The following CCSER1 variants were observed in gnomAD, a reference collection of about 807,000 sequenced individuals.
CCSER1 encodes the protein serine-rich coiled-coil domain-containing protein 1.
In CCSER1, 41 loss-of-function variants were observed where a neutral mutation model predicts 82.0. The ratio of observed to expected loss-of-function variants is 0.50; its 90% CI spans 0.39 to 0.65. The LOEUF is 0.65. Ranked by LOEUF, CCSER1 falls within the 30% of genes least tolerant of loss-of-function variation. The pLI is 0.00. For missense variants in CCSER1, 1,119 were observed against 1,064.2 expected (o/e 1.05, Z -0.72); for synonymous variants, 414 against 383.9 (o/e 1.08, Z -0.92).
chr4:90,706,565 G>A (rs1580058480), intron 6 of CCSER1, among the ~76,000 whole-genome samples: 1 of 152,302 alleles, frequency 6.6e-6, no homozygotes, highest in East Asian at 1.9e-4. Context: ...TCAGTAATTA[G>A]GATTCAGCTG....
intron 3 of CCSER1, among the ~76,000 whole-genome samples, chr4:90,375,033 A>G (rs1748083518): frequency 6.6e-6 from 1 of 152,184 alleles, no homozygotes; most frequent in Non-Finnish European, 1.5e-5. Flanking sequence ...CTGGTCAATA[A>G]ACCTAGAAAG....
intron 1 of CCSER1, among the ~76,000 whole-genome samples, chr4:90,211,860 G>A (rs943565543): frequency 1.6e-4 from 25 of 152,144 alleles, no homozygotes; most frequent in African/African-American, 6.0e-4. Flanking sequence ...CACATCTGTA[G>A]GCAGAATAGA....
intron 4 of CCSER1, among the ~76,000 whole-genome samples, chr4:90,451,124 T>G (rs887371251): frequency 6.6e-6 from 1 of 152,200 alleles, no homozygotes; most frequent in Non-Finnish European, 1.5e-5. Flanking sequence ...TAGTATTGTA[T>G]GCTTATTGCC....
chr4:91,229,814 T>C (rs1738481377), intron 10 of CCSER1, among the ~76,000 whole-genome samples: 1 of 151,794 alleles, frequency 6.6e-6, no homozygotes, highest in Non-Finnish European at 1.5e-5. Context: ...CAGGGGAACA[T>C]CACATACTGG....
intron 10 of CCSER1, among the ~76,000 whole-genome samples, chr4:91,120,172 G>A (rs552639652): frequency 6.6e-6 from 1 of 152,042 alleles, no homozygotes; most frequent in Admixed American, 6.6e-5. Context: ...GATCATACCA[G>A]TTCCCATTCA....
In CCSER1 at chr4:90,408,094, C is replaced by T. The variant is rs1042135903; in HGVS notation, c.1603+7965C>T. Among the ~76,000 whole-genome samples the T allele has an allele frequency of 6.6e-5, 10 of 152,170 alleles. 1 individual carries two copies. Among genetic ancestry groups the T allele is most frequent in the African/African-American group, 2.4e-4 (10 of 41,448 alleles). On this transcript the variant is annotated intron_variant, in intron 4 of 10. Coordinates refer to ENST00000509176, the MANE Select transcript of CCSER1 (RefSeq NM_001145065.2). ...CAGCAGCAAGGCTGGGGGAGGGGCACCCGCCATTGCCCAGGCTTGAGTAGC... is the reference window on the plus strand; with the variant it reads ...CAGCAGCAAGGCTGGGGGAGGGGCATCCGCCATTGCCCAGGCTTGAGTAGC...
intron 10 of CCSER1, among the ~76,000 whole-genome samples, chr4:91,246,775 A>T (rs1246299677): frequency 6.6e-6 from 1 of 151,806 alleles, no homozygotes; most frequent in Non-Finnish European, 1.5e-5. Flanking sequence ...ATATACAACT[A>T]CTGTGTACTC....
intron 7 of CCSER1, among the ~76,000 whole-genome samples, chr4:90,791,724 A>C (rs1209984647): frequency 6.6e-6 from 1 of 151,498 alleles, no homozygotes; most frequent in East Asian, 2.0e-4. Context: ...TGGGAGGCTG[A>C]GGCAGGAGAA....
Position 91,484,236 on chromosome 4 carries a change from C to T in CCSER1, c.2218-114336C>T, listed in dbSNP as rs1758103739. On this transcript the variant is annotated intron_variant, in intron 10 of 10. Coordinates refer to ENST00000509176, the MANE Select transcript of CCSER1 (RefSeq NM_001145065.2). ...AAACACTAAATTCAGCTTATTTGAGCTTTTTGTTACTCTAGAACCTTGAAC... is the reference window on the plus strand; with the variant it reads ...AAACACTAAATTCAGCTTATTTGAGTTTTTTGTTACTCTAGAACCTTGAAC... Among the ~76,000 whole-genome samples the T allele has an allele frequency of 3.3e-5, 5 of 152,158 alleles. No individual in the cohort carries two copies. In the South Asian group the frequency reaches 1.0e-3, roughly 32 times the overall value.
intron 10 of CCSER1, among the ~76,000 whole-genome samples, chr4:91,445,743 C>A (rs1755516947): frequency 6.6e-6 from 1 of 151,998 alleles, no homozygotes; most frequent in Admixed American, 6.6e-5. Flanking sequence ...ATATTACCCC[C>A]AAATTTGCAA....
chr4:90,365,459 A>C (rs1176645752), intron 3 of CCSER1, among the ~76,000 whole-genome samples: 1 of 151,810 alleles, frequency 6.6e-6, no homozygotes, highest in Non-Finnish European at 1.5e-5. Context: ...CAAAATATGC[A>C]GACTTTAAAG....
chr4:91,519,592 G>A (rs1246821977), intron 10 of CCSER1, among the ~76,000 whole-genome samples: 2 of 152,208 alleles, frequency 1.3e-5, no homozygotes, highest in Non-Finnish European at 2.9e-5. Flanking sequence ...AGCTCTGCAT[G>A]TCAGTCTGAA....
rs1157529486 is a variant in CCSER1 at position 90,352,241 on chromosome 4, G to A, written c.1509+39194G>A. ...CGGGAGGCTGAGGCAGGAGAATGGC[G>A]GGAACCCGGGAGGCCGAGCTTGCAA... On this transcript the variant is annotated intron_variant, in intron 3 of 10. Coordinates refer to ENST00000509176, the MANE Select transcript of CCSER1 (RefSeq NM_001145065.2). Among the ~76,000 whole-genome samples the A allele has an allele frequency of 3.3e-5, 5 of 151,706 alleles. No homozygotes were observed. The South Asian group carries it at 6.3e-4, about 19-fold the overall frequency.
In CCSER1 at chr4:90,308,452, A is replaced by G; in HGVS notation, c.168A>G (p.Thr56=). Residue 56 remains threonine (T), a synonymous_variant, in exon 2 of 11, where the codon ACA becomes ACG. Coordinates refer to ENST00000509176, the MANE Select transcript of CCSER1 (RefSeq NM_001145065.2). ...GCACTAACTCAAGCTCAGGTAGCACAGGTAAACGGAGGAGCATATTCCGTA... is the reference window on the plus strand; with the variant it reads ...GCACTAACTCAAGCTCAGGTAGCACGGGTAAACGGAGGAGCATATTCCGTA... The part of the protein sequence containing the change: ...PSSTNSSSGS[T]GKRRSIFRTP... The G allele has an allele frequency of 1.2e-6, 2 of 1,613,910 alleles. No homozygotes were observed. The highest frequency in any genetic ancestry group is 1.7e-6 in the Non-Finnish European group (2 of 1,179,832).
intron 10 of CCSER1, among the ~76,000 whole-genome samples, chr4:91,220,937 C>T (rs1057108868): frequency 2.5e-4 from 38 of 151,974 alleles, no homozygotes; most frequent in Admixed American, 8.5e-4. Context: ...GTCATATGTA[C>T]GGAAAATGTA....
intron 9 of CCSER1, among the ~76,000 whole-genome samples, chr4:90,977,041 A>G (rs1735675885): frequency 6.6e-6 from 1 of 151,652 alleles, no homozygotes; most frequent in South Asian, 2.1e-4. Context: ...GCTTCCAAAA[A>G]ATTTGTTTAA....
chr4:90,863,250 C>G (rs1765318769), intron 8 of CCSER1, among the ~76,000 whole-genome samples: 1 of 151,948 alleles, frequency 6.6e-6, no homozygotes, highest in African/African-American at 2.4e-5. Context: ...TCATCCGTGT[C>G]CCTGGATTAC....
intron 10 of CCSER1, among the ~76,000 whole-genome samples, chr4:91,459,270 A>G (rs1756368967): frequency 6.6e-6 from 1 of 152,144 alleles, no homozygotes; most frequent in Non-Finnish European, 1.5e-5. Flanking sequence ...AAGAGGTTAT[A>G]GAGCATAATT....
chr4:90,869,176 T>C (rs2150022210), intron 8 of CCSER1, among the ~76,000 whole-genome samples: 1 of 152,168 alleles, frequency 6.6e-6, no homozygotes, highest in Non-Finnish European at 1.5e-5. Flanking sequence ...TTGTTGTTTG[T>C]TTTCTGTGCA....
Sources: gnomAD v4.1 joint callset for allele counts (sites outside exome capture counted in the v4.1 genomes callset) on GRCh38, gnomAD v4.1.1 for gene constraint, MANE v1.5 for transcripts, NCBI Gene and HGNC (gene_info 2026-07-23, HGNC 2026-07-21) for gene names.